STK3: variants seen among roughly 807,000 people sequenced by gnomAD.
STK3 encodes serine/threonine-protein kinase 3.
In STK3, 41 loss-of-function variants were observed where a neutral mutation model predicts 58.0. The observed-to-expected ratio is 0.71, with a 90% CI of 0.55 to 0.92. The LOEUF is 0.92. STK3 is among the 40% of genes least tolerant of loss of function. The probability of loss-of-function intolerance (pLI) is 0.00; values close to 1 mark genes in which losing one functional copy is unlikely to be tolerated. For missense variants in STK3, 479 were observed against 602.7 expected, an observed-to-expected ratio of 0.79 and a Z score of 2.15; for synonymous variants, 170 against 191.0, an observed-to-expected ratio of 0.89 and a Z score of 0.91.
At chr8:98,778,433 G>C (rs1379711258) in intron 1 of STK3, among the ~76,000 whole-genome samples, 1 of 152,038 alleles carries the variant, frequency 6.6e-6, no homozygotes, top group Non-Finnish European at 1.5e-5. Context: ...CTGTTGGTGG[G>C]ACTGTAAACT....
intron 6 of STK3, among the ~76,000 whole-genome samples, chr8:98,602,012 C>T (rs1225402843): frequency 6.6e-6 from 1 of 152,178 alleles, no homozygotes; most frequent in Non-Finnish European, 1.5e-5. Context: ...ATCTCCCAAG[C>T]AATTCCAATA....
At chr8:98,915,244 A>G (rs908324600) in intron 1 of STK3, among the ~76,000 whole-genome samples, 1 of 151,894 alleles carries the variant, frequency 6.6e-6, no homozygotes, top group Non-Finnish European at 1.5e-5. Flanking sequence ...CCACTAGAAC[A>G]TAAAAAGAGA....
chr8:98,722,813 T>C (rs1160985483), intron 4 of STK3: 3 of 447,028 alleles, frequency 6.7e-6, no homozygotes, highest in Admixed American at 5.3e-5. Flanking sequence ...AATGGTCAGA[T>C]TTATACTGAA....
intron 8 of STK3, among the ~76,000 whole-genome samples, chr8:98,571,064 T>C (rs1157667441): frequency 6.6e-6 from 1 of 152,196 alleles, no homozygotes; most frequent in Non-Finnish European, 1.5e-5. Context: ...AAACAGTGGC[T>C]CAGGCCTGTA....
intron 1 of STK3, among the ~76,000 whole-genome samples, chr8:98,937,284 A>G (rs1326850427): frequency 6.6e-6 from 1 of 152,212 alleles, no homozygotes; most frequent in Admixed American, 6.5e-5. Context: ...ATGGTCACCA[A>G]TCACAATGAA....
At chr8:98,854,651 CTT>C in intron 3 of STK3, among the ~76,000 whole-genome samples, 2 of 152,086 alleles carry the variant, frequency 1.3e-5, no homozygotes, top group Middle Eastern at 6.8e-3. Context: ...AAGCACAAAA[CTT>C]ATACTCTGAA....
chr8:98,376,563 A>G (rs1342218199), intron 2 of STK3, among the ~76,000 whole-genome samples: 1 of 151,994 alleles, frequency 6.6e-6, no homozygotes, highest in East Asian at 1.9e-4. Flanking sequence ...TTGCATTTAG[A>G]TTTATGTTCT....
the STK3 span, among the ~76,000 whole-genome samples, chr8:98,358,911 G>A: frequency 2.4e-4 from 36 of 152,210 alleles, no homozygotes; most frequent in South Asian, 4.2e-4. Flanking sequence ...GAAAAGCAGA[G>A]CCACCCCTGA....
chr8:98,871,901 G>C (rs1029890049), intron 3 of STK3, among the ~76,000 whole-genome samples: 1 of 152,150 alleles, frequency 6.6e-6, no homozygotes, highest in African/African-American at 2.4e-5. Context: ...TGGTGAGAGA[G>C]GGCATCCCTG....
chr8:98,870,785 T>C (rs1837342826), intron 3 of STK3, among the ~76,000 whole-genome samples: 1 of 152,230 alleles, frequency 6.6e-6, no homozygotes, highest in Non-Finnish European at 1.5e-5. Context: ...TCTCCCATTC[T>C]ATAGGTTGCC....
chr8:98,661,863 C>T (rs978515872), intron 6 of STK3, among the ~76,000 whole-genome samples: 2 of 152,034 alleles, frequency 1.3e-5, no homozygotes, highest in African/African-American at 4.8e-5. Flanking sequence ...GTCTTCAGGA[C>T]TCAGTGCCTA....
At chr8:98,532,915 A>G (rs761735204) in intron 9 of STK3, among the ~76,000 whole-genome samples, 20 of 152,300 alleles carry the variant, frequency 1.3e-4, no homozygotes, top group South Asian at 1.0e-3. Flanking sequence ...GATATGTCAT[A>G]TAAGTATAAT....
chr8:98,442,498 C>A (rs1818733986), intron 1 of STK3, among the ~76,000 whole-genome samples: 1 of 152,222 alleles, frequency 6.6e-6, no homozygotes, highest in Non-Finnish European at 1.5e-5. Flanking sequence ...CAGGCCCTCA[C>A]CTTTTACATT....
At chr8:98,484,082 CTTAAAGACTTAATACTAAGTCTTTAAGTA>C (rs60867682) in intron 10 of STK3, among the ~76,000 whole-genome samples, 9 of 141,952 alleles carry the variant, frequency 6.3e-5, no homozygotes, top group South Asian at 4.5e-4. Flanking sequence ...GCCACCATGA[CTTAAAGACTTAATACTAAGTCTTTAAGTA>C]TTAAAGACTT....
chr8:98,508,130 T>C (rs1266950700), intron 10 of STK3, among the ~76,000 whole-genome samples: 1 of 152,202 alleles, frequency 6.6e-6, no homozygotes, highest in African/African-American at 2.4e-5. Context: ...GTGCCAGGCA[T>C]GTATTACATA....
intron 2 of STK3, among the ~76,000 whole-genome samples, chr8:98,372,850 C>G (rs1388274262): frequency 2.0e-5 from 3 of 152,228 alleles, no homozygotes; most frequent in Admixed American, 2.0e-4. Context: ...CGCTTGGTCT[C>G]TAAGCCTGGT....
chr8:98,805,991 T>C (rs891244122), intron 1 of STK3, among the ~76,000 whole-genome samples: 2 of 152,188 alleles, frequency 1.3e-5, no homozygotes, highest in Non-Finnish European at 2.9e-5. Flanking sequence ...AGTCCCACTG[T>C]CTACTATGGT....
At chr8:98,642,270 T>C (rs541116895) in intron 6 of STK3, among the ~76,000 whole-genome samples, 1 of 152,216 alleles carries the variant, frequency 6.6e-6, no homozygotes, top group East Asian at 1.9e-4. Context: ...GAAATAAATG[T>C]ATTTATTGGC....
chr8:98,386,121 A>G (rs986834085), intron 1 of STK3, among the ~76,000 whole-genome samples: 2 of 152,188 alleles, frequency 1.3e-5, no homozygotes, highest in African/African-American at 4.8e-5. Flanking sequence ...TGCAATTGGA[A>G]ATGGAAAATA....
Sources: allele counts gnomAD v4.1 joint callset (sites outside exome capture counted in the v4.1 genomes callset), GRCh38; gene constraint gnomAD v4.1.1; transcripts MANE v1.5; gene names NCBI Gene and HGNC (gene_info 2026-07-23, HGNC 2026-07-21).